BSN: variants seen among roughly 807,000 people sequenced by gnomAD.
BSN encodes bassoon presynaptic cytomatrix protein, also known as protein bassoon.
BSN carries 57 observed loss-of-function variants against 264.8 expected under a neutral mutation model. The ratio of observed to expected loss-of-function variants is 0.22; its 90% CI spans 0.17 to 0.27. The LOEUF (loss-of-function observed/expected upper bound fraction) is 0.27. BSN is among the 10% of genes least tolerant of loss of function. The pLI is 1.00. For missense variants in BSN, 4,615 were observed against 5,232.5 expected, an observed-to-expected ratio of 0.88 and a Z score of 3.64; for synonymous variants, 2,059 against 2,137.3, an observed-to-expected ratio of 0.96 and a Z score of 1.01.
chr3:49,650,735 T>C lies in BSN; in HGVS notation c.1642T>C (p.Ser548Pro), dbSNP rs754984710. Reference sequence around the variant, plus strand: ...CCCTGTAGGGGCCCCTCACCGTGCATCTGGAACATCCCCTCTGAAGCAGAA... The same window carrying C: ...CCCTGTAGGGGCCCCTCACCGTGCACCTGGAACATCCCCTCTGAAGCAGAA... Reference protein sequence around the residue: ...QPPVGAPHRASGTSPLKQKGP... With the variant: ...QPPVGAPHRAPGTSPLKQKGP... The change falls in exon 4 of 12, where the codon TCT (serine) becomes CCT (proline). Residue 548 changes from serine (S) to proline (P), a missense_variant. This residue lies in a region of BSN where 1,197 missense variants were observed against 1,348.0 expected (regional missense o/e 0.89). Coordinates refer to ENST00000296452, the MANE Select transcript of BSN (RefSeq NM_003458.4). 1.2e-6 allele frequency: 2 copies of C among 1,613,386 alleles called. No homozygotes were observed. Among genetic ancestry groups the C allele is most frequent in the Non-Finnish European group, 1.7e-6 (2 of 1,179,882 alleles).
chr3:49,594,040 G>T (rs978910678), intron 1 of BSN, among the ~76,000 whole-genome samples: 1 of 151,936 alleles, frequency 6.6e-6, no homozygotes, highest in Non-Finnish European at 1.5e-5. Flanking sequence ...CTGATCTGGC[G>T]ATTGGCCTCC....
rs566370014 is a variant in BSN at position 49,630,068 on chromosome 3, G to C, written c.633+4685G>C. Among the ~76,000 whole-genome samples the C allele has an allele frequency of 3.0e-4, 46 of 152,368 alleles. No homozygotes were observed. The South Asian group carries it at 9.3e-3, about 31-fold the overall frequency. ...CCTGCATCCCACTGCTTTCCGGCAA[G>C]GGCCAGGGCTCCAGATGGCTCGGGG... On this transcript the variant is annotated intron_variant, in intron 2 of 11. Transcript: ENST00000296452.
At chr3:49,615,347 G>A (rs2052251415) in intron 1 of BSN, among the ~76,000 whole-genome samples, 1 of 152,114 alleles carries the variant, frequency 6.6e-6, no homozygotes, top group African/African-American at 2.4e-5. Context: ...TACACCTGGC[G>A]TCACTGGTGT....
intron 1 of BSN, among the ~76,000 whole-genome samples, chr3:49,599,376 T>G (rs560715250): frequency 6.6e-6 from 1 of 152,280 alleles, no homozygotes; most frequent in African/African-American, 2.4e-5. Flanking sequence ...TTCAGCAACA[T>G]GAACCTTTTC....
At chr3:49,665,972 C>T (rs1222234835) in intron 11 of BSN, among the ~76,000 whole-genome samples, 4 of 152,238 alleles carry the variant, frequency 2.6e-5, no homozygotes, top group African/African-American at 4.8e-5. Context: ...CCTGTCCTGG[C>T]CCTGGCCCTG....
chr3:49,554,671 C>CGGCCCG lies in BSN; in HGVS notation c.75_80dup (p.Pro31_Gly32dup), dbSNP rs1245717804. On this transcript the variant is annotated inframe_insertion, in exon 1 of 12. Transcript: ENST00000296452. ...CGCTGCCGCCCGGCGGCGCCGGCCC[C>CGGCCCG]GGCCCGGGCCCCGGCCCCGGCCCCG... is the stretch of plus-strand genomic sequence containing the variant. The CGGCCCG allele has an allele frequency of 6.0e-6, 6 of 1,001,612 alleles. No homozygotes were observed. Among genetic ancestry groups the CGGCCCG allele is most frequent in the Admixed American group, 6.0e-5 (1 of 16,580 alleles). 62.0% of individuals were successfully genotyped at this position (1,001,612 alleles called of 1,614,324 possible).
intron 2 of BSN, among the ~76,000 whole-genome samples, chr3:49,630,262 T>C (rs1250108255): frequency 6.6e-6 from 1 of 152,166 alleles, no homozygotes; most frequent in Non-Finnish European, 1.5e-5. Flanking sequence ...GTCTTCTGCT[T>C]TCCTGGGCCC....
intron 2 of BSN, among the ~76,000 whole-genome samples, chr3:49,637,233 T>A (rs2052426347): frequency 6.6e-6 from 1 of 152,090 alleles, no homozygotes; most frequent in African/African-American, 2.4e-5. Context: ...ACCTTCCTTT[T>A]CCTTGCTGCT....
intron 1 of BSN, among the ~76,000 whole-genome samples, chr3:49,594,186 C>T (rs1174657884): frequency 5.9e-5 from 9 of 152,164 alleles, no homozygotes; most frequent in Non-Finnish European, 8.8e-5. Context: ...TGGGCTTTAA[C>T]AAAGCAAAAC....
intron 1 of BSN, among the ~76,000 whole-genome samples, chr3:49,622,210 T>A (rs780662099): frequency 6.6e-6 from 1 of 152,126 alleles, no homozygotes; most frequent in Non-Finnish European, 1.5e-5. Flanking sequence ...GGTCAGCAGG[T>A]CATCAGTGGC....
In BSN at chr3:49,658,179, G is replaced by GTAT. The variant is rs1180666188; in HGVS notation, c.8623_8624insTAT (p.Gly2875delinsValTrp). The GTAT allele has an allele frequency of 2.5e-6, 4 of 1,574,348 alleles. No homozygotes were observed. The African/African-American group carries it at 5.4e-5, about 21-fold the overall frequency. The stretch of plus-strand genomic sequence containing the variant: ...GAGATTCTCCCTCTACCAGCACCAG[G>GTAT]GGGGACTGGGTAGCCAGGTATGGGA... On this transcript the variant is annotated protein_altering_variant, in exon 5 of 12. Transcript: ENST00000296452.
At chr3:49,565,062 C>T (rs551040583) in intron 1 of BSN, among the ~76,000 whole-genome samples, 29 of 149,692 alleles carry the variant, frequency 1.9e-4, no homozygotes, top group East Asian at 1.9e-4. Context: ...AAACCTACCA[C>T]GTAGCTTCAA....
rs576892087 is a variant in BSN at position 49,633,928 on chromosome 3, C to T, written c.634-8340C>T. Among the ~76,000 whole-genome samples the T allele has an allele frequency of 5.9e-5, 9 of 151,506 alleles. No individual in the cohort carries two copies. The South Asian group carries it at 8.3e-4, about 14-fold the overall frequency. On this transcript the variant is annotated intron_variant, in intron 2 of 11. Transcript: ENST00000296452. ...TCAAGAGCTGGAGGAAGAGGGGAGC[C>T]GGGTGCAGTGGCTCATGCCTGTAAT... is the stretch of plus-strand genomic sequence containing the variant.
chr3:49,598,653 C>T (rs1481952905), intron 1 of BSN, among the ~76,000 whole-genome samples: 1 of 151,984 alleles, frequency 6.6e-6, no homozygotes, highest in Non-Finnish European at 1.5e-5. Flanking sequence ...GTGATCCACC[C>T]ACCTCGGCCT....
In BSN at chr3:49,642,556, C is replaced by G; in HGVS notation, c.922C>G (p.Gln308Glu). Residue 308 changes from glutamine to glutamate, a missense_variant, in exon 3 of 12, where the codon CAA becomes GAA. Physicochemically the swap from Gln to Glu is conservative, Grantham distance 29. Around this residue, in one of 3 missense-constraint regions of BSN, gnomAD observed 1,197 missense variants for 1,348.0 expected, o/e 0.89. Transcript: ENST00000296452. This position sits in a 1 kb window ranked among gnomAD's most constrained non-coding sequence, Gnocchi z 7.0. The stretch of plus-strand genomic sequence containing the variant: ...GGGGAGGGTGTCTCCTCAGCCCCCT[C>G]AACCCACCAAGCCTTCCACAGCTGA... ...EVGRVSPQPP[Q>E]PTKPSTAEPR... The G allele has an allele frequency of 6.2e-7, 1 of 1,602,268 alleles. No individual in the cohort carries two copies. Among genetic ancestry groups the G allele is most frequent in the Non-Finnish European group, 8.5e-7 (1 of 1,172,914 alleles).
intron 2 of BSN, among the ~76,000 whole-genome samples, chr3:49,635,524 A>G (rs567734508): frequency 2.2e-4 from 34 of 152,264 alleles, no homozygotes; most frequent in African/African-American, 7.9e-4. Flanking sequence ...CAAGCCTACA[A>G]AATTGTTGAA....
At position 49,668,517 on chromosome 3, in the gene BSN, T is replaced by C. The variant is rs1430350149; in HGVS notation, c.*1032T>C. 1 of 152,652 alleles carries C rather than the reference T, an allele frequency of 6.6e-6. No homozygotes were observed. Among genetic ancestry groups the C allele is most frequent in the Non-Finnish European group, 1.5e-5 (1 of 68,062 alleles). 9.5% of individuals were successfully genotyped at this position (152,652 alleles called of 1,614,324 possible). On this transcript the variant is annotated 3_prime_UTR_variant, in exon 12 of 12. Coordinates refer to ENST00000296452, the MANE Select transcript of BSN (RefSeq NM_003458.4). ...GGTTTCCTCTCTGCTCTGCCCCTGC[T>C]CAGCACAGGGAGAATGTTGACTTAG...
At position 49,554,500 on chromosome 3, in the gene BSN, G is replaced by A; in HGVS notation, c.-103G>A. On this transcript the variant is annotated 5_prime_UTR_variant, in exon 1 of 12. Coordinates refer to ENST00000296452, the MANE Select transcript of BSN (RefSeq NM_003458.4). The stretch of plus-strand genomic sequence containing the variant: ...GCAGGCGGCGGCGCGAGCCGAGCTG[G>A]GAGATGGCGGCGGCAGCGGCGGCGC... The A allele has an allele frequency of 3.4e-6, 1 of 296,914 alleles. No individual in the cohort carries two copies. Among genetic ancestry groups the A allele is most frequent in the Non-Finnish European group, 5.0e-6 (1 of 200,712 alleles). The allele number at this position is 296,914 out of a possible 1,614,324, so 18.4% of individuals were successfully genotyped here. A position where few individuals can be genotyped will look rare whatever the true frequency, so the allele number is the denominator to read the frequency against.
At position 49,652,098 on chromosome 3, in the gene BSN, C is replaced by G; in HGVS notation, c.2542C>G (p.Leu848Val). The G allele has an allele frequency of 6.2e-7, 1 of 1,611,716 alleles. No homozygotes were observed. The highest frequency in any genetic ancestry group is 1.1e-5 in the South Asian group (1 of 90,818). ...TDEDFMRRQI[L>V]EMSAEEDNLE... ...TGAGGATTTCATGCGACGGCAGATT[C>G]TCGAGATGAGCGCCGAGGAAGACAA... is the stretch of plus-strand genomic sequence containing the variant. Residue 848 changes from leucine (L) to valine (V), a missense_variant, in exon 5 of 12, where the codon CTC (leucine) becomes GTC (valine). Leu to Val is a conservative substitution (Grantham distance 32). Transcript: ENST00000296452.
Sources: allele counts gnomAD v4.1 joint callset (sites outside exome capture counted in the v4.1 genomes callset), GRCh38; gene constraint gnomAD v4.1.1; regional missense constraint gnomAD v4.1.1; non-coding constraint Gnocchi (gnomAD v3.1); transcripts MANE v1.5; gene names NCBI Gene and HGNC (gene_info 2026-07-23, HGNC 2026-07-21).